Variants in GRK3 observed in about 807,000 individuals in gnomAD.
GRK3 encodes adrenergic, beta, receptor kinase 2.
A neutral mutation model predicts 95.7 loss-of-function variants in GRK3; 54 were observed. That is an observed-to-expected ratio of 0.56 (90% CI 0.45 to 0.71). The LOEUF is 0.71. Among genes scored for constraint, GRK3 ranks in the 30% least tolerant of loss-of-function variants. GRK3 has a pLI of 0.00. For synonymous variants in GRK3, 281 were observed against 290.8 expected (o/e 0.97, Z 0.34); for missense variants, 649 against 851.2 (o/e 0.76, Z 2.96).
intron 1 of GRK3, among the ~76,000 whole-genome samples, chr22:25,576,748 T>G (rs1601445916): frequency 6.6e-6 from 1 of 152,206 alleles, no homozygotes; most frequent in East Asian, 1.9e-4. Flanking sequence ...GAATCTTATT[T>G]TATGAGGAGG....
chr22:25,692,115 C>T (rs954490164), intron 12 of GRK3, among the ~76,000 whole-genome samples: 3 of 152,048 alleles, frequency 2.0e-5, no homozygotes, highest in African/African-American at 7.2e-5. Flanking sequence ...AGTCATGTGC[C>T]CCAACATTCA....
intron 2 of GRK3, among the ~76,000 whole-genome samples, chr22:25,620,009 TGTGTGTGTGTGTGTG>T (rs1569166774): frequency 5.9e-4 from 55 of 92,634 alleles, no homozygotes; most frequent in East Asian, 8.3e-4. Flanking sequence ...GTCTTTTTTG[TGTGTGTGTGTGTGTG>T]TGTGTGTGTG....
At chr22:25,567,803 G>A (rs765915706) in intron 1 of GRK3, among the ~76,000 whole-genome samples, 1 of 152,182 alleles carries the variant, frequency 6.6e-6, no homozygotes, top group Non-Finnish European at 1.5e-5. Flanking sequence ...CTTTCCCACA[G>A]TTTTAAACAG....
chr22:25,720,648 T>C (rs1369966257), intron 19 of GRK3, among the ~76,000 whole-genome samples: 2 of 151,950 alleles, frequency 1.3e-5, no homozygotes, highest in Non-Finnish European at 2.9e-5. Context: ...GGCTAATTTT[T>C]GTATTTTTAG....
At chr22:25,677,634 CTTG>C (rs1269759216) in intron 8 of GRK3, among the ~76,000 whole-genome samples, 5 of 152,092 alleles carry the variant, frequency 3.3e-5, no homozygotes, top group Non-Finnish European at 1.5e-5. Context: ...GAACATTTAT[CTTG>C]TTTTTATATA....
At chr22:25,601,611 A>G (rs557686951) in intron 1 of GRK3, among the ~76,000 whole-genome samples, 2 of 152,330 alleles carry the variant, frequency 1.3e-5, no homozygotes, top group African/African-American at 4.8e-5. Context: ...TGAAGACAAT[A>G]CAATGTGTAC....
At chr22:25,659,753 T>A (rs1379293289) in intron 3 of GRK3, among the ~76,000 whole-genome samples, 2 of 152,182 alleles carry the variant, frequency 1.3e-5, no homozygotes. Context: ...TGCTTTAGGC[T>A]CTTATTTTGC....
chr22:25,652,994 A>G (rs889162202), intron 3 of GRK3, among the ~76,000 whole-genome samples: 6 of 152,162 alleles, frequency 3.9e-5, no homozygotes, highest in African/African-American at 9.7e-5. Flanking sequence ...TGTGATGTTC[A>G]CACAATTATG....
At chr22:25,647,710 G>A in intron 3 of GRK3, 12 of 1,329,174 alleles carry the variant, frequency 9.0e-6, no homozygotes, top group Non-Finnish European at 1.3e-5. Flanking sequence ...TGTAGCGCCT[G>A]CAGATTCCAT....
Position 25,711,172 on chromosome 22 carries a change from G to A in GRK3, c.1491+9G>A, listed in dbSNP as rs1473204543. The A allele has an allele frequency of 1.9e-6, 3 of 1,548,704 alleles. No individual in the cohort carries two copies. The highest frequency in any genetic ancestry group is 1.9e-5 in the Admixed American group (1 of 53,162). ...ATACCAAAGGGATTAAGGTACACAT[G>A]TGATCATTTATTTCTTTATTTTTAT... On this transcript the variant is annotated intron_variant, in intron 17 of 20. Coordinates refer to ENST00000324198, the MANE Select transcript of GRK3 (RefSeq NM_005160.4).
chr22:25,639,664 A>G (rs1054232897), intron 2 of GRK3, among the ~76,000 whole-genome samples: 9 of 152,052 alleles, frequency 5.9e-5, no homozygotes, highest in African/African-American at 2.2e-4. Flanking sequence ...TTGCATTTCC[A>G]TATATATTTT....
chr22:25,652,271 A>G (rs539738143), intron 3 of GRK3, among the ~76,000 whole-genome samples: 57 of 152,254 alleles, frequency 3.7e-4, no homozygotes, highest in Middle Eastern at 3.4e-3. Flanking sequence ...TGTCTCTACT[A>G]AAAATACAAA....
intron 1 of GRK3, among the ~76,000 whole-genome samples, chr22:25,584,435 C>A (rs531942520): frequency 6.6e-6 from 1 of 152,314 alleles, no homozygotes; most frequent in Admixed American, 6.5e-5. Flanking sequence ...TCCTTTGTAA[C>A]CCTTATTTTA....
rs575760907 is a variant in GRK3, at chr22:25,666,284, G to T, written c.442-1455G>T. Among the ~76,000 whole-genome samples the T allele has an allele frequency of 4.6e-5, 7 of 152,270 alleles. No individual in the cohort carries two copies. The East Asian group carries it at 1.3e-3, about 29-fold the overall frequency. ...ATTGACATAATAGCTTTTATAAATA[G>T]AAAAATCTGTGATCTATAAATGTAG... On this transcript the variant is annotated intron_variant, in intron 5 of 20. Transcript: ENST00000324198.
At chr22:25,670,176 A>G (rs1181616476) in intron 6 of GRK3, among the ~76,000 whole-genome samples, 2 of 152,106 alleles carry the variant, frequency 1.3e-5, no homozygotes, top group African/African-American at 4.8e-5. Context: ...AGCCTCAGAA[A>G]TATGTTAAAG....
At chr22:25,714,870 C>T (rs887333351) in intron 18 of GRK3, among the ~76,000 whole-genome samples, 2 of 152,042 alleles carry the variant, frequency 1.3e-5, no homozygotes, top group Non-Finnish European at 2.9e-5. Context: ...ATGACAGTGT[C>T]TGGAGTGGGG....
chr22:25,630,615 A>G (rs2084657828), intron 2 of GRK3, among the ~76,000 whole-genome samples: 2 of 152,232 alleles, frequency 1.3e-5, no homozygotes, highest in African/African-American at 4.8e-5. Context: ...TTTCCCTCCC[A>G]GTCCCAGTTC....
At chr22:25,605,755 G>A (rs1291971966) in intron 2 of GRK3, among the ~76,000 whole-genome samples, 3 of 151,986 alleles carry the variant, frequency 2.0e-5, no homozygotes, top group Admixed American at 6.6e-5. Flanking sequence ...CTCAGCTCCC[G>A]GCAACCACGA....
intron 1 of GRK3, among the ~76,000 whole-genome samples, chr22:25,578,235 G>A (rs538831048): frequency 9.2e-5 from 14 of 152,020 alleles, no homozygotes; most frequent in Admixed American, 6.5e-4. Context: ...ATACACCTGC[G>A]CCTGACTCCA....
Sources: allele counts gnomAD v4.1 joint callset (sites outside exome capture counted in the v4.1 genomes callset), GRCh38; gene constraint gnomAD v4.1.1; transcripts MANE v1.5; gene names NCBI Gene and HGNC (gene_info 2026-07-23, HGNC 2026-07-21).